The following CREBRF variants were observed in gnomAD, a reference collection of about 807,000 sequenced individuals.
CREBRF encodes UPF0474 protein C5orf41.
CREBRF carries 5 observed loss-of-function variants against 66.1 expected under a neutral mutation model. The ratio of observed to expected loss-of-function variants is 0.08; its 90% confidence interval spans 0.04 to 0.16. CREBRF has a LOEUF of 0.16. CREBRF is among the 10% of genes least tolerant of loss of function. The pLI is 1.00. For synonymous variants in CREBRF, 229 were observed against 264.4 expected (o/e 0.87, Z 1.30); for missense variants, 531 against 744.9 (o/e 0.71, Z 3.34).
At chr5:173,073,980 A>AAAAATAAAAATAAATAAAT (rs933501094) in intron 1 of CREBRF, among the ~76,000 whole-genome samples, 3 of 149,948 alleles carry the variant, frequency 2.0e-5, no homozygotes, top group African/African-American at 7.4e-5. Flanking sequence ...ATAAAAAATA[A>AAAAATAAAAATAAATAAAT]AAATAAATAA....
intron 1 of CREBRF, among the ~76,000 whole-genome samples, chr5:173,079,700 A>G (rs1048749215): frequency 3.3e-5 from 5 of 152,140 alleles, no homozygotes; most frequent in Non-Finnish European, 7.4e-5. Flanking sequence ...ACCCACTCCT[A>G]GAGGTTCTGT....
intron 7 of CREBRF, among the ~76,000 whole-genome samples, chr5:173,120,064 C>T (rs1274680862): frequency 6.6e-6 from 1 of 151,902 alleles, no homozygotes; most frequent in African/African-American, 2.4e-5. Flanking sequence ...ATTGTTAATG[C>T]TTTGTTAAGG....
intron 8 of CREBRF, among the ~76,000 whole-genome samples, chr5:173,129,812 T>G (rs1759371134): frequency 6.6e-6 from 1 of 152,020 alleles, no homozygotes; most frequent in South Asian, 2.1e-4. Context: ...AAATTTTTTC[T>G]TAGATTTTTT....
intron 1 of CREBRF, among the ~76,000 whole-genome samples, chr5:173,064,063 C>T (rs1757362128): frequency 6.6e-6 from 1 of 151,752 alleles, no homozygotes; most frequent in Non-Finnish European, 1.5e-5. Context: ...GTAAAGCTTG[C>T]TGTTTTTTTT....
intron 2 of CREBRF, among the ~76,000 whole-genome samples, chr5:173,082,002 A>AG (rs1757959353): frequency 9.4e-5 from 9 of 95,268 alleles, no homozygotes; most frequent in Non-Finnish European, 1.5e-4. Context: ...TTCAAGGTTT[A>AG]GTTTTTTTTT....
chr5:173,097,440 T>C (rs1758504590), intron 4 of CREBRF, among the ~76,000 whole-genome samples: 1 of 152,148 alleles, frequency 6.6e-6, no homozygotes, highest in African/African-American at 2.4e-5. Flanking sequence ...AGATGAAGTT[T>C]CGTCATGTTG....
chr5:173,119,102 G>A (rs1190322554), intron 7 of CREBRF, among the ~76,000 whole-genome samples: 1 of 152,092 alleles, frequency 6.6e-6, no homozygotes, highest in Admixed American at 6.5e-5. Context: ...GGTAGGGCTA[G>A]TTCTTGTTAG....
intron 3 of CREBRF, 131 bp downstream of exon 3, chr5:173,086,757 G>A: frequency 5.1e-6 from 3 of 588,014 alleles, no homozygotes; most frequent in Non-Finnish European, 8.1e-6. Flanking sequence ...ATTATACCTA[G>A]GATAATTTTA....
At chr5:173,103,124 T>G (rs1758667492) in intron 4 of CREBRF, among the ~76,000 whole-genome samples, 1 of 152,226 alleles carries the variant, frequency 6.6e-6, no homozygotes, top group African/African-American at 2.4e-5. Flanking sequence ...AGCATGTTGC[T>G]CTTACATAAC....
intron 7 of CREBRF, among the ~76,000 whole-genome samples, chr5:173,117,101 G>A (rs569891007): frequency 6.6e-6 from 1 of 152,058 alleles, no homozygotes; most frequent in African/African-American, 2.4e-5. Context: ...ATTCTGGGCC[G>A]GTCGCAGTGG....
intron 8 of CREBRF, among the ~76,000 whole-genome samples, chr5:173,125,452 C>T (rs372459700): frequency 1.3e-5 from 2 of 152,102 alleles, no homozygotes; most frequent in South Asian, 4.1e-4. Context: ...GGATTCTGAC[C>T]TTGATACTTC....
intron 1 of CREBRF, among the ~76,000 whole-genome samples, chr5:173,059,286 C>T (rs1296403504): frequency 3.4e-5 from 3 of 87,470 alleles, no homozygotes; most frequent in East Asian, 2.7e-4. Flanking sequence ...TTTTTTGAGA[C>T]GGAGTTTCGC....
At chr5:173,092,847 A>C (rs1302802597) in intron 4 of CREBRF, among the ~76,000 whole-genome samples, 1 of 152,234 alleles carries the variant, frequency 6.6e-6, no homozygotes, top group East Asian at 1.9e-4. Context: ...AGTAAAAGGT[A>C]CTTGAATATG....
intron 3 of CREBRF, 25 bp downstream of exon 3, chr5:173,086,651 G>T (rs1321782577): frequency 6.3e-7 from 1 of 1,584,806 alleles, no homozygotes; most frequent in African/African-American, 1.4e-5. Flanking sequence ...CTTGGTTTTG[G>T]TCTTGATTGA....
chr5:173,081,089 C>T (rs1355530895), intron 2 of CREBRF, among the ~76,000 whole-genome samples: 3 of 152,142 alleles, frequency 2.0e-5, no homozygotes, highest in South Asian at 2.1e-4. Context: ...ACAGCAATCC[C>T]GTTTCTATCT....
intron 1 of CREBRF, among the ~76,000 whole-genome samples, chr5:173,075,165 A>G (rs1236995683): frequency 6.6e-6 from 1 of 152,238 alleles, no homozygotes; most frequent in East Asian, 1.9e-4. Flanking sequence ...AGAATTTGGA[A>G]AATAAATAAT....
chr5:173,081,299 T>G (rs577244077), intron 2 of CREBRF, among the ~76,000 whole-genome samples: 2 of 152,330 alleles, frequency 1.3e-5, no homozygotes, highest in Admixed American at 1.3e-4. Flanking sequence ...TGATTGTATC[T>G]GTTTATATTA....
At chr5:173,096,975 C>T (rs1338793689) in intron 4 of CREBRF, among the ~76,000 whole-genome samples, 1 of 152,036 alleles carries the variant, frequency 6.6e-6, no homozygotes, top group African/African-American at 2.4e-5. Context: ...GATGTATGAT[C>T]CTTTTAGTGT....
chr5:173,130,740 C>T (rs2113808755), intron 8 of CREBRF, among the ~76,000 whole-genome samples: 1 of 152,118 alleles, frequency 6.6e-6, no homozygotes, highest in South Asian at 2.1e-4. Flanking sequence ...AATGGAGTCT[C>T]ACTCTGTCTC....
Sources: gnomAD v4.1 joint callset for allele counts (sites outside exome capture counted in the v4.1 genomes callset) on GRCh38, gnomAD v4.1.1 for gene constraint, MANE v1.5 for transcripts, NCBI Gene and HGNC (gene_info 2026-07-23, HGNC 2026-07-21) for gene names.